SOS2: variants seen among roughly 807,000 people sequenced by gnomAD.
The protein encoded by SOS2 is SOS Ras/Rho guanine nucleotide exchange factor 2, also known as son of sevenless homolog 2.
SOS2 carries 65 observed loss-of-function variants against 148.2 expected under a neutral mutation model. The observed-to-expected ratio is 0.44, with a 90% confidence interval of 0.36 to 0.54. The LOEUF is 0.54. Among genes scored for constraint, SOS2 ranks in the 20% least tolerant of loss-of-function variants. The probability of loss-of-function intolerance (pLI) is 0.00; values close to 1 mark genes in which losing one functional copy is unlikely to be tolerated. For synonymous variants in SOS2, 539 were observed against 537.1 expected (o/e 1.00, Z -0.05); for missense variants, 1,341 against 1,590.2 (o/e 0.84, Z 2.67).
intron 4 of SOS2, among the ~76,000 whole-genome samples, chr14:50,192,260 T>C (rs1290781416): frequency 6.6e-6 from 1 of 151,678 alleles, no homozygotes; most frequent in Non-Finnish European, 1.5e-5. Context: ...TCCTGTTAGC[T>C]TCAGATTTTT....
At chr14:50,120,530 T>G (rs1883467810) in intron 21 of SOS2, 146 bp from the exon 22 acceptor site, 2 of 591,020 alleles carry the variant, frequency 3.4e-6, no homozygotes, top group Non-Finnish European at 5.9e-6. Flanking sequence ...ATTGTAAGCT[T>G]TCTGCAGGGA....
chr14:50,124,428 T>C (rs1204106355), intron 21 of SOS2, among the ~76,000 whole-genome samples: 1 of 152,244 alleles, frequency 6.6e-6, no homozygotes, highest in East Asian at 1.9e-4. Context: ...GTTGTCTTTC[T>C]TGTTTGCCAC....
intron 8 of SOS2, among the ~76,000 whole-genome samples, chr14:50,163,141 C>T (rs1029070157): frequency 6.6e-6 from 1 of 150,542 alleles, no homozygotes; most frequent in African/African-American, 2.4e-5. Context: ...CTGTTTTAAT[C>T]TTTTGAAAGA....
intron 12 of SOS2, among the ~76,000 whole-genome samples, chr14:50,154,294 A>G (rs1035864542): frequency 6.6e-6 from 1 of 152,238 alleles, no homozygotes; most frequent in Non-Finnish European, 1.5e-5. Flanking sequence ...TCTCCACAAA[A>G]TAAGTATGAA....
intron 16 of SOS2, among the ~76,000 whole-genome samples, chr14:50,143,566 T>C (rs138613010): frequency 1.6e-3 from 239 of 152,004 alleles, no homozygotes; most frequent in Middle Eastern, 6.8e-3. Flanking sequence ...GCCTCCTGAG[T>C]AGCTGGGATT....
At chr14:50,163,169 A>G (rs1000278177) in intron 8 of SOS2, among the ~76,000 whole-genome samples, 1 of 150,636 alleles carries the variant, frequency 6.6e-6, no homozygotes, top group Non-Finnish European at 1.5e-5. Context: ...AAAGTGGAAC[A>G]TCATATAGAT....
At position 50,204,413 on chromosome 14, in the gene SOS2, T is replaced by A; in HGVS notation, c.88-4A>T. 1 of 1,543,030 alleles carries A rather than the reference T, an allele frequency of 6.5e-7. No individual in the cohort carries two copies. Among genetic ancestry groups the A allele is most frequent in the Non-Finnish European group, 8.8e-7 (1 of 1,135,204 alleles). On this transcript the variant is annotated splice_polypyrimidine_tract_variant and splice_region_variant and intron_variant, in intron 1 of 22. Transcript: ENST00000216373. ...TGGGATGCACTTGTTCCTGAACCTT[T>A]AAAAAAAAGTTATCAGTTAAAGTAA...
chr14:50,227,431 G>C (rs937562588), intron 1 of SOS2, among the ~76,000 whole-genome samples: 1 of 142,374 alleles, frequency 7.0e-6, no homozygotes, highest in African/African-American at 2.7e-5. Context: ...TTTTTTTTTT[G>C]AGACAGAGTC....
At chr14:50,133,238 T>TC (rs1883953180) in intron 19 of SOS2, among the ~76,000 whole-genome samples, 1 of 89,544 alleles carries the variant, frequency 1.1e-5, no homozygotes, top group Admixed American at 1.5e-4. Flanking sequence ...TTTTTTTCTT[T>TC]TTTCTTTTTT....
rs760574286 is a variant in SOS2, at chr14:50,131,320, T to G, written c.3076-558A>C. On this transcript the variant is annotated intron_variant, in intron 19 of 22. Coordinates refer to ENST00000216373, the MANE Select transcript of SOS2 (RefSeq NM_006939.4). ...CAGAACTCAGATCAGAAAACTTGAG[T>G]TAAGATCTCAACTGTGCCAATATCT... 5.9e-5 allele frequency among the ~76,000 whole-genome samples: 9 copies of G among 152,174 alleles called. No homozygotes were observed. The South Asian group carries it at 8.3e-4, about 14-fold the overall frequency.
chr14:50,205,603 T>G (rs1886633703), intron 1 of SOS2, among the ~76,000 whole-genome samples: 1 of 152,116 alleles, frequency 6.6e-6, no homozygotes, highest in Admixed American at 6.6e-5. Flanking sequence ...ACTTTGCCAT[T>G]TCCTAAGAGA....
At chr14:50,231,676 A>AGCG (rs1446757687), upstream of SOS2, 1 of 162,848 alleles carries the variant, frequency 6.1e-6, no homozygotes, top group Non-Finnish European at 1.3e-5. Flanking sequence ...GCGGGCGGTG[A>AGCG]GCAGCGGCGG....
At chr14:50,209,795 A>C (rs887895122) in intron 1 of SOS2, among the ~76,000 whole-genome samples, 2 of 152,150 alleles carry the variant, frequency 1.3e-5, no homozygotes, top group Admixed American at 1.3e-4. Context: ...GTAGAATTTA[A>C]AATACCGTGT....
At chr14:50,153,218 CAATT>C (rs1884716196) in intron 12 of SOS2, 45 bp from the exon 13 acceptor site, 1 of 1,039,408 alleles carries the variant, frequency 9.6e-7, no homozygotes, top group African/African-American at 1.6e-5. Context: ...CATAAGTGTT[CAATT>C]ACACTTCTTC....
In SOS2 at chr14:50,153,197, T is replaced by G. The variant is rs200955771; in HGVS notation, c.2058-24A>C. ...TCCTGATAAAATGGAAAGAAACACA[T>G]TTTAGTGAAACATAAGTGTTCAATT... On this transcript the variant is annotated intron_variant, in intron 12 of 22. Coordinates refer to ENST00000216373, the MANE Select transcript of SOS2 (RefSeq NM_006939.4). 7 of 1,381,688 alleles carry G rather than the reference T, an allele frequency of 5.1e-6. No individual in the cohort carries two copies. In the East Asian group the frequency reaches 1.4e-4, roughly 27 times the overall value. 85.6% of individuals were successfully genotyped at this position (1,381,688 alleles called of 1,614,324 possible).
chr14:50,209,274 C>CATGT (rs1555323144), intron 1 of SOS2, among the ~76,000 whole-genome samples: 1 of 118,276 alleles, frequency 8.5e-6, no homozygotes, highest in Non-Finnish European at 1.9e-5. Context: ...CCTTAAATGT[C>CATGT]GTGTGTGTGT....
intron 16 of SOS2, among the ~76,000 whole-genome samples, chr14:50,143,952 C>T (rs189164728): frequency 1.3e-5 from 2 of 151,810 alleles, no homozygotes; most frequent in Non-Finnish European, 2.9e-5. Flanking sequence ...AGCCCCCACA[C>T]CTGGCCAAAA....
In SOS2 at chr14:50,139,957, A is replaced by G; in HGVS notation, c.2770T>C (p.Cys924Arg). ...AGTAACTTACCAAAAAAAGGCACAC[A>G]AGGTGGATTGATTGACTTAAGTTTT... ...LVKLKSINPPCVPFFGIYLTN... is the reference protein window; with the variant it reads ...LVKLKSINPPRVPFFGIYLTN... The change falls in exon 17 of 23, where the codon TGT (cysteine) becomes CGT (arginine). Residue 924 changes from cysteine to arginine, a missense_variant. Transcript: ENST00000216373. 6.4e-7 allele frequency: 1 copy of G among 1,562,734 alleles called. No homozygotes were observed. The highest frequency in any genetic ancestry group is 8.8e-7 in the Non-Finnish European group (1 of 1,134,592).
At chr14:50,217,615 T>A (rs10145260) in intron 1 of SOS2, among the ~76,000 whole-genome samples, 137,629 of 152,228 alleles carry the variant, frequency 0.9, 62,398 homozygotes, top group African/African-American at 0.96. Context: ...AAGATTTCCT[T>A]GATATGACAC....
Sources: allele counts gnomAD v4.1 joint callset (sites outside exome capture counted in the v4.1 genomes callset), GRCh38; gene constraint gnomAD v4.1.1; transcripts MANE v1.5; gene names NCBI Gene and HGNC (gene_info 2026-07-23, HGNC 2026-07-21).